Variants in SLF2 observed in about 807,000 individuals in gnomAD.
The protein encoded by SLF2 is SMC5-SMC6 complex localization factor protein 2.
Under a neutral mutation model 124.3 loss-of-function variants are expected in SLF2, and 68 were observed. The ratio of observed to expected loss-of-function variants is 0.55; its 90% CI spans 0.45 to 0.67. SLF2 has a LOEUF of 0.67. Ranked by LOEUF, SLF2 falls within the 30% of genes least tolerant of loss-of-function variation. SLF2 has a pLI of 0.00. For missense variants in SLF2, 1,246 were observed against 1,373.7 expected (o/e 0.91, Z 1.47); for synonymous variants, 480 against 478.8 (o/e 1.00, Z -0.03).
intron 4 of SLF2, among the ~76,000 whole-genome samples, chr10:100,919,555 A>G (rs953393761): frequency 1.3e-5 from 2 of 152,240 alleles, no homozygotes; most frequent in East Asian, 1.9e-4. Flanking sequence ...AGTACATTTT[A>G]TCTTTTTTTA....
chr10:100,914,176 C>A (rs911487023), intron 1 of SLF2, among the ~76,000 whole-genome samples: 8 of 152,228 alleles, frequency 5.3e-5, no homozygotes, highest in Non-Finnish European at 1.2e-4. Context: ...GCACCAGACC[C>A]CACTGGGGAC....
At position 100,924,188 on chromosome 10, in the gene SLF2, C is replaced by T. The variant is rs758484529; in HGVS notation, c.1187C>T (p.Pro396Leu). Residue 396 changes from proline to leucine, a missense_variant, in exon 5 of 20, where the codon CCG (proline) becomes CTG (leucine). Physicochemically the swap from Pro to Leu is moderately conservative, Grantham distance 98. Around this residue, in one of 3 missense-constraint regions of SLF2, gnomAD observed 698 missense variants for 708.9 expected, o/e 0.98. Transcript: ENST00000238961. The part of the protein sequence containing the change: ...VLRLEDISKE[P>L]SDETDGSSAG... ...CGCTTAGAAGATATATCCAAGGAAC[C>T]GAGTGATGAAACTGATGGCTCTTCT... 7.4e-6 allele frequency: 12 copies of T among 1,613,902 alleles called. No individual in the cohort carries two copies. Among genetic ancestry groups the T allele is most frequent in the East Asian group, 2.2e-5 (1 of 44,890 alleles).
intron 19 of SLF2, 42 bp from the exon 20 acceptor site, chr10:100,961,835 T>G: frequency 6.3e-7 from 1 of 1,577,310 alleles, no homozygotes; most frequent in Non-Finnish European, 8.7e-7. Context: ...ATAATATGAT[T>G]AAATTTTGCT....
At position 100,944,093 on chromosome 10, in the gene SLF2, A is replaced by G. The variant is rs151321115; in HGVS notation, c.2722A>G (p.Thr908Ala). ...EDSSYKPIFS[T>A]LPETNILNVV... is the part of the protein sequence containing the mutation. Reference sequence around the variant, plus strand: ...TTCATCTTATAAGCCAATTTTTTCAACACTTCCTGAAACCAACATTTTAAA... The same window carrying G: ...TTCATCTTATAAGCCAATTTTTTCAGCACTTCCTGAAACCAACATTTTAAA... Residue 908 changes from threonine (T) to alanine (A), a missense_variant, in exon 12 of 20, where the codon ACA becomes GCA. Physicochemically the swap from Thr to Ala is moderately conservative, Grantham distance 58. Around this residue, in one of 3 missense-constraint regions of SLF2, gnomAD observed 535 missense variants for 632.8 expected, o/e 0.85. Coordinates refer to ENST00000238961, the MANE Select transcript of SLF2 (RefSeq NM_018121.4). 44 of 1,612,644 alleles carry G rather than the reference A, an allele frequency of 2.7e-5. No homozygotes were observed. In the Admixed American group the frequency reaches 3.5e-4, roughly 13 times the overall value.
intron 6 of SLF2, chr10:100,926,438 T>C (rs1849616455): frequency 1.7e-6 from 1 of 593,782 alleles, no homozygotes; most frequent in Admixed American, 3.8e-5. Context: ...ACCCCATCTC[T>C]ACAAAAAATA....
rs780715978 is a variant in SLF2 at position 100,959,449 on chromosome 10, A to G, written c.3439A>G (p.Ile1147Val). Reference protein sequence around the residue: ...RTKVKDLVARIHGKWQEIIQN... With the variant: ...RTKVKDLVARVHGKWQEIIQN... ...TAAGGTGAAAGACTTGGTCGCCAGG[A>G]TACATGGAAAATGGCAGGAAATAAT... Residue 1147 changes from isoleucine (I) to valine (V), a missense_variant, in exon 19 of 20, where the codon ATA becomes GTA. Transcript: ENST00000238961. 7 of 1,609,056 alleles carry G rather than the reference A, an allele frequency of 4.4e-6. No homozygotes were observed. Among genetic ancestry groups the G allele is most frequent in the Admixed American group, 3.4e-5 (2 of 58,370 alleles).
chr10:100,925,991 C>T lies in SLF2; in HGVS notation c.2014C>T (p.Leu672=). The change falls in exon 6 of 20, where the codon CTA becomes TTA. Residue 672 remains leucine, a synonymous_variant. Coordinates refer to ENST00000238961, the MANE Select transcript of SLF2 (RefSeq NM_018121.4). ...PGTYTNTLER[L]VKEMEDTQRL... Reference sequence around the variant, plus strand: ...AACTTACACAAATACCTTAGAACGTCTAGTGAAGGAAATGGAAGACACACA... The same window carrying T: ...AACTTACACAAATACCTTAGAACGTTTAGTGAAGGAAATGGAAGACACACA... 6.2e-7 allele frequency: 1 copy of T among 1,612,948 alleles called. No homozygotes were observed. Among genetic ancestry groups the T allele is most frequent in the Non-Finnish European group, 8.5e-7 (1 of 1,179,492 alleles).
intron 17 of SLF2, among the ~76,000 whole-genome samples, chr10:100,955,920 A>C (rs1282443104): frequency 7.4e-6 from 1 of 135,584 alleles, no homozygotes; most frequent in Non-Finnish European, 1.6e-5. Context: ...AAAAAAAAAA[A>C]GAACTGGGCA....
Position 100,961,918 on chromosome 10 carries a change from G to A in SLF2, c.*6G>A. ...TCTGGGTACCAGATTCTTAATAGGA[G>A]TTGCAGCAGCAAAAATATGAACCAA... On this transcript the variant is annotated 3_prime_UTR_variant, in exon 20 of 20. Coordinates refer to ENST00000238961, the MANE Select transcript of SLF2 (RefSeq NM_018121.4). The A allele has an allele frequency of 6.2e-7, 1 of 1,604,810 alleles. No individual in the cohort carries two copies. Among genetic ancestry groups the A allele is most frequent in the Non-Finnish European group, 8.5e-7 (1 of 1,173,512 alleles).
At chr10:100,961,045 T>A (rs1034301653) in intron 19 of SLF2, among the ~76,000 whole-genome samples, 1 of 136,198 alleles carries the variant, frequency 7.3e-6, no homozygotes, top group African/African-American at 2.7e-5. Context: ...AGTCTTGCTC[T>A]GTCACCCAGC....
At chr10:100,936,516 T>C (rs1849862479) in intron 9 of SLF2, among the ~76,000 whole-genome samples, 2 of 151,968 alleles carry the variant, frequency 1.3e-5, no homozygotes, top group South Asian at 4.1e-4. Flanking sequence ...TTTGTATTTT[T>C]AGTAGAGACA....
rs1849426368 is a variant in SLF2, at chr10:100,916,921, T to C, written c.536T>C (p.Ile179Thr). The change falls in exon 3 of 20, where the codon ATT becomes ACT. Residue 179 changes from isoleucine to threonine, a missense_variant. Coordinates refer to ENST00000238961, the MANE Select transcript of SLF2 (RefSeq NM_018121.4). Reference protein sequence around the residue: ...RSPERRKSLFIHENNEKNDRD... With the variant: ...RSPERRKSLFTHENNEKNDRD... ...CCAGAGAGAAGGAAGTCACTATTCA[T>C]TCATGAAAATAATGAGAAGAATGAT... 1 of 1,614,158 alleles carries C rather than the reference T, an allele frequency of 6.2e-7. No individual in the cohort carries two copies. The highest frequency in any genetic ancestry group is 2.2e-5 in the East Asian group (1 of 44,882).
chr10:100,913,160 C>G lies in SLF2; in HGVS notation c.50C>G (p.Ala17Gly). The change falls in exon 1 of 20, where the codon GCC (alanine) becomes GGC (glycine). Residue 17 changes from alanine to glycine, a missense_variant. Around this residue, in one of 3 missense-constraint regions of SLF2, gnomAD observed 698 missense variants for 708.9 expected, o/e 0.98. Coordinates refer to ENST00000238961, the MANE Select transcript of SLF2 (RefSeq NM_018121.4). Reference sequence around the variant, plus strand: ...AGGCCAGGTTTCCCCTCATCCCCAGCCCCGGGGTCGTCGCCCCCGCGCTGC... The same window carrying G: ...AGGCCAGGTTTCCCCTCATCCCCAGGCCCGGGGTCGTCGCCCCCGCGCTGC... ...PARPGFPSSPAPGSSPPRCHL... is the reference protein window; with the variant it reads ...PARPGFPSSPGPGSSPPRCHL... The G allele has an allele frequency of 6.2e-7, 1 of 1,613,558 alleles. No homozygotes were observed. The highest frequency in any genetic ancestry group is 8.5e-7 in the Non-Finnish European group (1 of 1,179,832).
chr10:100,941,240 T>A (rs1055622203), intron 11 of SLF2, among the ~76,000 whole-genome samples: 3 of 152,182 alleles, frequency 2.0e-5, no homozygotes, highest in African/African-American at 7.2e-5. Context: ...ATAGTAGATG[T>A]AGAGTGAAAA....
chr10:100,926,185 G>T (rs1210203927), intron 6 of SLF2, 166 bp downstream of exon 6: 1 of 1,550,954 alleles, frequency 6.4e-7, no homozygotes, highest in East Asian at 2.4e-5. Flanking sequence ...AGTGGCTCAT[G>T]CCTGTAATCA....
intron 12 of SLF2, 102 bp downstream of exon 12, chr10:100,944,230 T>A: frequency 3.0e-6 from 2 of 668,060 alleles, no homozygotes; most frequent in Admixed American, 7.5e-5. Flanking sequence ...GCGCGGTGGC[T>A]CACGCCTGTA....
chr10:100,938,636 T>C lies in SLF2; in HGVS notation c.2554T>C (p.Leu852=). ...ACCAGTTTGGCCATGGATCCCATCA[T>C]TGTCTGATGTAGCAGCTGTGTTTTT... is the stretch of plus-strand genomic sequence containing the variant. ...DSPVWPWIPS[L]SDVAAVFFNM... Residue 852 remains leucine (L), a synonymous_variant, in exon 11 of 20, where the codon TTG becomes CTG. Transcript: ENST00000238961. The C allele has an allele frequency of 6.2e-7, 1 of 1,612,932 alleles. No individual in the cohort carries two copies. Among genetic ancestry groups the C allele is most frequent in the East Asian group, 2.2e-5 (1 of 44,740 alleles).
chr10:100,955,905 CAAAAA>C (rs56283306), intron 17 of SLF2, among the ~76,000 whole-genome samples: 1 of 136,686 alleles, frequency 7.3e-6, no homozygotes, highest in Non-Finnish European at 1.6e-5. Context: ...GACTCTGTCT[CAAAAA>C]AAAAAAAAAA....
intron 4 of SLF2, among the ~76,000 whole-genome samples, chr10:100,918,725 A>G (rs1193423996): frequency 6.6e-6 from 1 of 152,018 alleles, no homozygotes; most frequent in Non-Finnish European, 1.5e-5. Flanking sequence ...CTGGCCTCGA[A>G]TGATTCTCCC....
Sources: allele counts gnomAD v4.1 joint callset (sites outside exome capture counted in the v4.1 genomes callset), GRCh38; gene constraint gnomAD v4.1.1; regional missense constraint gnomAD v4.1.1; transcripts MANE v1.5; gene names NCBI Gene and HGNC (gene_info 2026-07-23, HGNC 2026-07-21).